Variants in LPP observed in about 807,000 individuals in gnomAD.
LPP encodes LIM domain containing preferred translocation partner in lipoma.
Under a neutral mutation model 60.4 loss-of-function variants are expected in LPP, and 38 were observed. The observed-to-expected ratio is 0.63, with a 90% CI of 0.49 to 0.83. LPP has a LOEUF of 0.83. LPP is among the 40% of genes least tolerant of loss of function. The pLI is 0.00. For synonymous variants in LPP, 328 were observed against 290.8 expected (o/e 1.13, Z -1.30); for missense variants, 902 against 783.6 (o/e 1.15, Z -1.80).
At chr3:188,673,226 G>A (rs938630279) in intron 7 of LPP, among the ~76,000 whole-genome samples, 4 of 151,750 alleles carry the variant, frequency 2.6e-5, no homozygotes, top group South Asian at 4.2e-4. Context: ...GAGAAGTACC[G>A]TTTTTTTGTT....
chr3:188,666,903 T>G (rs955994421), intron 7 of LPP, among the ~76,000 whole-genome samples: 4 of 152,196 alleles, frequency 2.6e-5, no homozygotes. Flanking sequence ...TGGGGAAACC[T>G]TACCTTAGAG....
intron 9 of LPP, among the ~76,000 whole-genome samples, chr3:188,771,677 A>G (rs780521270): frequency 6.6e-6 from 1 of 152,194 alleles, no homozygotes; most frequent in Non-Finnish European, 1.5e-5. Context: ...AGAGGACAGG[A>G]CTGAACAAAA....
At chr3:188,811,224 A>G (rs1035794131) in intron 9 of LPP, among the ~76,000 whole-genome samples, 1 of 152,060 alleles carries the variant, frequency 6.6e-6, no homozygotes, top group Non-Finnish European at 1.5e-5. Flanking sequence ...TAAGAGAACT[A>G]TAGATATTCA....
intron 7 of LPP, among the ~76,000 whole-genome samples, chr3:188,646,546 G>A (rs1447726457): frequency 6.6e-6 from 1 of 152,218 alleles, no homozygotes; most frequent in African/African-American, 2.4e-5. Flanking sequence ...GCCCGTAGGA[G>A]TCAGGTTGCC....
Position 188,219,507 on chromosome 3 carries a change from C to T in LPP, c.-189-5898C>T, listed in dbSNP as rs143016132. Among the ~76,000 whole-genome samples the T allele has an allele frequency of 3.9e-3, 587 of 152,288 alleles. 6 individuals carry two copies. The highest frequency in any genetic ancestry group is 6.6e-3 in the Non-Finnish European group (447 of 68,026). ...ATATTGACCTGAAAGGACCCAAGGG[C>T]GCATTATTCCTGACCCTGGCTCAGG... On this transcript the variant is annotated intron_variant, in intron 1 of 11. Transcript: ENST00000617246.
chr3:188,828,614 CAAAAAAAAAAAAA>C lies in LPP; in HGVS notation c.1411-37572_1411-37560del, dbSNP rs71169022. 2.9e-4 allele frequency among the ~76,000 whole-genome samples: 9 copies of C among 31,340 alleles called. No homozygotes were observed. In the East Asian group the frequency reaches 5.3e-3, roughly 18 times the overall value. 20.6% of individuals were successfully genotyped at this position (31,340 alleles called of 152,430 possible). On this transcript the variant is annotated intron_variant, in intron 9 of 11. Coordinates refer to ENST00000617246, the MANE Select transcript of LPP (RefSeq NM_001375462.1). ...TGGCAACAAGAGCGAAACTCTGTCT[CAAAAAAAAAAAAA>C]AAAAAAAAAAAAACTCAGCTGCATC...
intron 7 of LPP, among the ~76,000 whole-genome samples, chr3:188,669,828 C>T (rs1384887493): frequency 6.6e-6 from 1 of 152,128 alleles, no homozygotes; most frequent in Admixed American, 6.5e-5. Context: ...GCACTCTTCA[C>T]AATAGCAAAG....
chr3:188,665,585 G>A lies in LPP; in HGVS notation c.1114-42682G>A, dbSNP rs192987270. Reference sequence around the variant, plus strand: ...AGCGATTCTCCTGCCTCAGCCTCCCGAGGAGCTGGGATTACAGGCACCTGT... The same window carrying A: ...AGCGATTCTCCTGCCTCAGCCTCCCAAGGAGCTGGGATTACAGGCACCTGT... On this transcript the variant is annotated intron_variant, in intron 7 of 11. Transcript: ENST00000617246. Among the ~76,000 whole-genome samples the A allele has an allele frequency of 6.0e-5, 9 of 150,726 alleles. No individual in the cohort carries two copies. The South Asian group carries it at 8.4e-4, about 14-fold the overall frequency.
intron 7 of LPP, among the ~76,000 whole-genome samples, chr3:188,636,718 G>A (rs1157993945): frequency 1.3e-5 from 2 of 151,952 alleles, no homozygotes; most frequent in African/African-American, 4.8e-5. Flanking sequence ...TCTGAGAATG[G>A]GCAGACTGCC....
chr3:188,357,046 A>G (rs955394968), intron 3 of LPP, among the ~76,000 whole-genome samples: 1 of 152,098 alleles, frequency 6.6e-6, no homozygotes. Flanking sequence ...TGCAACTACC[A>G]CCACCACCAT....
intron 3 of LPP, among the ~76,000 whole-genome samples, chr3:188,343,000 TTTTA>T (rs918668536): frequency 1.0e-3 from 157 of 152,260 alleles, no homozygotes; most frequent in African/African-American, 3.5e-3. Flanking sequence ...CCAGGAAGTT[TTTTA>T]TTTATTTATT....
intron 2 of LPP, among the ~76,000 whole-genome samples, chr3:188,314,252 A>G (rs1248889842): frequency 6.6e-6 from 1 of 152,014 alleles, no homozygotes; most frequent in Non-Finnish European, 1.5e-5. Flanking sequence ...TGAGAAATGT[A>G]TTGTGTTGAA....
At chr3:188,645,343 T>C (rs1465142807) in intron 7 of LPP, among the ~76,000 whole-genome samples, 2 of 152,144 alleles carry the variant, frequency 1.3e-5, no homozygotes, top group African/African-American at 4.8e-5. Flanking sequence ...TTTCTTTAGA[T>C]ACGTTGAAGA....
intron 9 of LPP, among the ~76,000 whole-genome samples, chr3:188,845,390 A>G (rs1363704285): frequency 6.6e-6 from 1 of 152,210 alleles, no homozygotes; most frequent in African/African-American, 2.4e-5. Context: ...CTGGACAGAA[A>G]GCTTGAGAGA....
At position 188,876,231 on chromosome 3, in the gene LPP, T is replaced by C. The variant is rs1158799295; in HGVS notation, c.*1752T>C. On this transcript the variant is annotated 3_prime_UTR_variant, in exon 12 of 12. Coordinates refer to ENST00000617246, the MANE Select transcript of LPP (RefSeq NM_001375462.1). ...CTATTCCTCAGGAATTCCAATTAAA[T>C]TTATTTTACTTGAATAGGAATGATC... 17 of 186,580 alleles carry C rather than the reference T, an allele frequency of 9.1e-5. No individual in the cohort carries two copies. In the East Asian group the frequency reaches 1.5e-3, roughly 16 times the overall value. 11.6% of individuals were successfully genotyped at this position (186,580 alleles called of 1,614,324 possible).
intron 4 of LPP, among the ~76,000 whole-genome samples, chr3:188,412,119 T>G (rs549984544): frequency 6.6e-6 from 1 of 152,310 alleles, no homozygotes; most frequent in East Asian, 1.9e-4. Context: ...TAGAATTCAC[T>G]TTCTTTAATT....
chr3:188,564,267 G>T lies in LPP; in HGVS notation c.429+39480G>T, dbSNP rs566613086. Among the ~76,000 whole-genome samples the T allele has an allele frequency of 2.0e-5, 3 of 152,028 alleles. No individual in the cohort carries two copies. The East Asian group carries it at 5.8e-4, about 30-fold the overall frequency. On this transcript the variant is annotated intron_variant, in intron 6 of 11. Coordinates refer to ENST00000617246, the MANE Select transcript of LPP (RefSeq NM_001375462.1). ...CCATTCGCAGCTGGTCCTACTGAGG[G>T]TAATTAGTAGGGGATAATATCTGAA...
intron 5 of LPP, among the ~76,000 whole-genome samples, chr3:188,503,313 A>T (rs1359724710): frequency 6.6e-6 from 1 of 152,186 alleles, no homozygotes; most frequent in African/African-American, 2.4e-5. Context: ...CAACAACATA[A>T]GCTAATAATT....
At chr3:188,316,806 T>G (rs1755222745) in intron 2 of LPP, among the ~76,000 whole-genome samples, 1 of 152,190 alleles carries the variant, frequency 6.6e-6, no homozygotes, top group South Asian at 2.1e-4. Flanking sequence ...CTGAGTGAAT[T>G]AGAACTATAA....
Sources: gnomAD v4.1 joint callset for allele counts (sites outside exome capture counted in the v4.1 genomes callset) on GRCh38, gnomAD v4.1.1 for gene constraint, MANE v1.5 for transcripts, NCBI Gene and HGNC (gene_info 2026-07-23, HGNC 2026-07-21) for gene names.